Variants in MIR2052HG observed in about 807,000 individuals in gnomAD.
The protein encoded by MIR2052HG is MIR2052 host gene.
chr8:74,725,978 G>A (rs898160549), intron 4 of MIR2052HG, among the ~76,000 whole-genome samples: 3 of 152,078 alleles, frequency 2.0e-5, no homozygotes, highest in Admixed American at 2.0e-4. Context: ...CAGATCATGA[G>A]GTCAGGAGTT....
intron 1 of MIR2052HG, among the ~76,000 whole-genome samples, chr8:74,605,995 G>T (rs1358504699): frequency 1.3e-5 from 2 of 152,144 alleles, no homozygotes; most frequent in African/African-American, 4.8e-5. Context: ...CCGAAGAAGG[G>T]GCTAGATTTT....
In MIR2052HG at chr8:74,694,532, G is replaced by T. The variant is rs1476635614; in HGVS notation, n.217-7847G>T. The stretch of plus-strand genomic sequence containing the variant: ...AGTAATCTCTGAATTGCCAGAAAAA[G>T]AATTCAGAAGGTTGATTATTAAACT... On this transcript the variant is annotated intron_variant and non_coding_transcript_variant, in intron 2 of 6. Transcript: ENST00000523442. Among the ~76,000 whole-genome samples, 2 of 152,110 alleles carry T rather than the reference G, an allele frequency of 1.3e-5. 1 individual carries two copies. The highest frequency in any genetic ancestry group is 2.9e-5 in the Non-Finnish European group (2 of 68,008).
At chr8:74,669,335 C>T (rs1808965594) in intron 2 of MIR2052HG, among the ~76,000 whole-genome samples, 1 of 152,122 alleles carries the variant, frequency 6.6e-6, no homozygotes, top group African/African-American at 2.4e-5. Flanking sequence ...GCATCCCAAA[C>T]CCAATTGCCT....
chr8:74,752,394 C>T (rs1403523702), intron 4 of MIR2052HG: 2 of 451,476 alleles, frequency 4.4e-6, no homozygotes, highest in Non-Finnish European at 4.4e-6. Flanking sequence ...CATTTGATCA[C>T]ATTTGGGAGC....
chr8:74,663,801 CTG>C (rs2128737261), intron 2 of MIR2052HG, among the ~76,000 whole-genome samples: 1 of 152,292 alleles, frequency 6.6e-6, no homozygotes, highest in African/African-American at 2.4e-5. Context: ...ATCTTGGAAA[CTG>C]AGTGTTCACT....
At position 74,669,193 on chromosome 8, in the gene MIR2052HG, A is replaced by G. The variant is rs534560092; in HGVS notation, n.217-33186A>G. The stretch of plus-strand genomic sequence containing the variant: ...GCCAAAATCTACTTGTATCAGAACT[A>G]CACTGCTCGATGAATATCACTGCCA... On this transcript the variant is annotated intron_variant and non_coding_transcript_variant, in intron 2 of 6. Transcript: ENST00000523442. Among the ~76,000 whole-genome samples, 5 of 152,302 alleles carry G rather than the reference A, an allele frequency of 3.3e-5. No individual in the cohort carries two copies. In the South Asian group the frequency reaches 8.3e-4, roughly 25 times the overall value.
At chr8:74,620,051 A>G (rs1004854974) in intron 2 of MIR2052HG, among the ~76,000 whole-genome samples, 1 of 152,246 alleles carries the variant, frequency 6.6e-6, no homozygotes, top group Non-Finnish European at 1.5e-5. Context: ...ATTAACTAAA[A>G]CAAAGGGGCT....
rs545895295 is a variant in MIR2052HG, at chr8:74,637,427, G to A, written n.216+24487G>A. On this transcript the variant is annotated intron_variant and non_coding_transcript_variant, in intron 2 of 6. Transcript: ENST00000523442. ...AACAAACACTCAAACACACACATGTGCGTGCACACACACACACACACGATC... is the reference window on the plus strand; with the variant it reads ...AACAAACACTCAAACACACACATGTACGTGCACACACACACACACACGATC... 9.2e-5 allele frequency among the ~76,000 whole-genome samples: 14 copies of A among 152,142 alleles called. No homozygotes were observed. The South Asian group carries it at 2.3e-3, about 25-fold the overall frequency.
chr8:74,681,752 A>G (rs1388859282), intron 2 of MIR2052HG, among the ~76,000 whole-genome samples: 2 of 152,124 alleles, frequency 1.3e-5, no homozygotes, highest in Non-Finnish European at 2.9e-5. Flanking sequence ...ATGTTCTTGG[A>G]TTTCCTAGGC....
Position 74,706,784 on chromosome 8 carries a change from T to A in MIR2052HG, n.371+3102T>A, listed in dbSNP as rs1167389286. Among the ~76,000 whole-genome samples the A allele has an allele frequency of 5.3e-5, 8 of 152,202 alleles. No individual in the cohort carries two copies. In the East Asian group the frequency reaches 1.5e-3, roughly 29 times the overall value. On this transcript the variant is annotated intron_variant and non_coding_transcript_variant, in intron 4 of 6. Transcript: ENST00000523442. ...ATACATGTAAAAACTGGAAAATGAA[T>A]TCTTAGTATATGGACTGGACAGCTC...
At chr8:74,667,945 T>C (rs1808949032) in intron 2 of MIR2052HG, among the ~76,000 whole-genome samples, 1 of 151,580 alleles carries the variant, frequency 6.6e-6, no homozygotes, top group Non-Finnish European at 1.5e-5. Context: ...GAAGTCCAGA[T>C]GTTGTCAGGC....
chr8:74,602,724 C>T (rs938266455), intron 1 of MIR2052HG, among the ~76,000 whole-genome samples: 1 of 151,596 alleles, frequency 6.6e-6, no homozygotes, highest in South Asian at 2.1e-4. Context: ...ACCATGTTGG[C>T]CAGGCTGGTC....
intron 2 of MIR2052HG, among the ~76,000 whole-genome samples, chr8:74,622,209 G>A (rs1269925106): frequency 6.6e-6 from 1 of 152,064 alleles, no homozygotes; most frequent in Non-Finnish European, 1.5e-5. Flanking sequence ...TTAAAGTCAA[G>A]AAAATAAATA....
At chr8:74,731,705 C>T (rs1809694199) in intron 4 of MIR2052HG, among the ~76,000 whole-genome samples, 2 of 152,016 alleles carry the variant, frequency 1.3e-5, no homozygotes, top group South Asian at 2.1e-4. Flanking sequence ...GTTGGAGACC[C>T]CTATATGATG....
chr8:74,692,839 A>T (rs1179728559), intron 2 of MIR2052HG, among the ~76,000 whole-genome samples: 1 of 152,020 alleles, frequency 6.6e-6, no homozygotes, highest in Non-Finnish European at 1.5e-5. Context: ...TCCTTTGCCA[A>T]CTCTGTCAAG....
At chr8:74,732,796 G>T (rs561017769) in intron 4 of MIR2052HG, among the ~76,000 whole-genome samples, 3 of 152,190 alleles carry the variant, frequency 2.0e-5, no homozygotes, top group South Asian at 4.2e-4. Context: ...CTAAAGAAGG[G>T]AATAAACAGC....
At chr8:74,635,521 A>G (rs1048653363) in intron 2 of MIR2052HG, among the ~76,000 whole-genome samples, 22 of 152,320 alleles carry the variant, frequency 1.4e-4, no homozygotes, top group Admixed American at 9.8e-4. Flanking sequence ...AAGGACATGC[A>G]CAGAACACAA....
At chr8:74,685,248 T>C (rs1247841652) in intron 2 of MIR2052HG, among the ~76,000 whole-genome samples, 1 of 152,102 alleles carries the variant, frequency 6.6e-6, no homozygotes, top group East Asian at 1.9e-4. Flanking sequence ...GGCTAAGATA[T>C]AATTTCACTT....
chr8:74,604,583 C>T (rs1194576800), intron 1 of MIR2052HG, among the ~76,000 whole-genome samples: 13 of 50,026 alleles, frequency 2.6e-4, no homozygotes, highest in Admixed American at 5.3e-4. Flanking sequence ...TGTTTCTTTA[C>T]TTTTTTTTTT....
Sources: allele counts gnomAD v4.1 joint callset (sites outside exome capture counted in the v4.1 genomes callset), GRCh38; gene constraint gnomAD v4.1.1; transcripts MANE v1.5; gene names NCBI Gene and HGNC (gene_info 2026-07-23, HGNC 2026-07-21).